TAPT1: variants seen among roughly 807,000 people sequenced by gnomAD.
TAPT1 encodes transmembrane anterior posterior transformation 1.
TAPT1 carries 28 observed loss-of-function variants against 65.6 expected under a neutral mutation model. The observed-to-expected ratio is 0.43, with a 90% CI of 0.32 to 0.59. TAPT1 has a LOEUF of 0.59. Among genes scored for constraint, TAPT1 ranks in the 20% least tolerant of loss-of-function variants. TAPT1 has a pLI of 0.09. For synonymous variants in TAPT1, 278 were observed against 245.2 expected, an observed-to-expected ratio of 1.13 and a Z score of -1.25; for missense variants, 563 against 679.9, an observed-to-expected ratio of 0.83 and a Z score of 1.91.
intron 3 of TAPT1, among the ~76,000 whole-genome samples, chr4:16,200,687 C>T (rs990779201): frequency 3.9e-5 from 6 of 152,124 alleles, no homozygotes; most frequent in South Asian, 4.1e-4. Flanking sequence ...TGTTTCTATT[C>T]GCTTTATCCC....
At chr4:16,200,438 T>C (rs1052189361) in intron 3 of TAPT1, among the ~76,000 whole-genome samples, 5 of 152,120 alleles carry the variant, frequency 3.3e-5, no homozygotes, top group African/African-American at 1.2e-4. Context: ...TTTTCCAACC[T>C]CTCAGCCTCT....
intron 2 of TAPT1, among the ~76,000 whole-genome samples, chr4:16,205,785 T>C (rs1750307349): frequency 1.3e-5 from 2 of 152,134 alleles, no homozygotes; most frequent in African/African-American, 4.8e-5. Context: ...GAGGTTAGGA[T>C]ATAATCATTA....
chr4:16,180,632 CT>C (rs958348183), intron 7 of TAPT1, among the ~76,000 whole-genome samples: 2 of 152,170 alleles, frequency 1.3e-5, no homozygotes, highest in African/African-American at 2.4e-5. Context: ...CTTTGCTTCT[CT>C]TTTTTTACTT....
Position 16,203,701 on chromosome 4 carries a change from C to T in TAPT1, c.331-1121G>A, listed in dbSNP as rs538226734. 3.3e-5 allele frequency among the ~76,000 whole-genome samples: 5 copies of T among 152,252 alleles called. No individual in the cohort carries two copies. The East Asian group carries it at 7.7e-4, about 24-fold the overall frequency. On this transcript the variant is annotated intron_variant, in intron 2 of 13. Coordinates refer to ENST00000405303, the MANE Select transcript of TAPT1 (RefSeq NM_153365.3). ...CAGAAGAAACTACCCCACTGACACT[C>T]GATTGCACACTTCCAGCTTCCAGAA...
intron 1 of TAPT1, among the ~76,000 whole-genome samples, chr4:16,221,102 A>G (rs1355677082): frequency 1.4e-5 from 2 of 145,974 alleles, no homozygotes; most frequent in Non-Finnish European, 3.0e-5. Flanking sequence ...CCTCCAGCAC[A>G]TACGTACATA....
chr4:16,170,576 G>C lies in TAPT1; in HGVS notation c.1313+77C>G, dbSNP rs1354424952. 13 of 1,012,938 alleles carry C rather than the reference G, an allele frequency of 1.3e-5. No individual in the cohort carries two copies. The East Asian group carries it at 3.2e-4, about 25-fold the overall frequency. The allele number at this position is 1,012,938 out of a possible 1,614,324, so 62.7% of individuals were successfully genotyped here. On this transcript the variant is annotated intron_variant, in intron 12 of 13. Transcript: ENST00000405303. ...GCATAGACTGGGAGTAGTATGATTG[G>C]GATGCTACTAACTTCCATTACATCT...
chr4:16,167,164 T>C (rs1414072607), intron 12 of TAPT1, among the ~76,000 whole-genome samples: 1 of 152,028 alleles, frequency 6.6e-6, no homozygotes, highest in Non-Finnish European at 1.5e-5. Context: ...CGGCTATTTT[T>C]GTATTTTTAG....
rs1011360500 is a variant in TAPT1 at position 16,215,841 on chromosome 4, G to T, written c.200-1943C>A. On this transcript the variant is annotated intron_variant, in intron 1 of 13. Transcript: ENST00000405303. Reference sequence around the variant, plus strand: ...TCTACGCTGGCTAGAACCAGAACAAGATCTGCTCTTTCAAGGTGAGAAAAA... The same window carrying T: ...TCTACGCTGGCTAGAACCAGAACAATATCTGCTCTTTCAAGGTGAGAAAAA... Among the ~76,000 whole-genome samples, 4 of 152,156 alleles carry T rather than the reference G, an allele frequency of 2.6e-5. No individual in the cohort carries two copies. In the South Asian group the frequency reaches 8.3e-4, roughly 31 times the overall value.
intron 12 of TAPT1, among the ~76,000 whole-genome samples, chr4:16,168,425 G>A (rs904000524): frequency 1.3e-5 from 2 of 152,098 alleles, no homozygotes; most frequent in Non-Finnish European, 2.9e-5. Flanking sequence ...AGCTCCTTTC[G>A]TAGTCTCCCG....
At chr4:16,225,883 A>G (rs1169861814) in intron 1 of TAPT1, 3 of 985,742 alleles carry the variant, frequency 3.0e-6, no homozygotes, top group Non-Finnish European at 3.6e-6. Flanking sequence ...CCTTGGCATG[A>G]ATATAATTAA....
intron 5 of TAPT1, among the ~76,000 whole-genome samples, chr4:16,187,631 A>C (rs1021338583): frequency 6.6e-6 from 1 of 152,104 alleles, no homozygotes; most frequent in African/African-American, 2.4e-5. Context: ...CATTCTTGTG[A>C]ATGAGTCCTG....
chr4:16,220,365 A>G (rs1751181218), intron 1 of TAPT1, among the ~76,000 whole-genome samples: 1 of 152,244 alleles, frequency 6.6e-6, no homozygotes, highest in South Asian at 2.1e-4. Flanking sequence ...CGTTTTAAAA[A>G]TAAGTATTTT....
intron 2 of TAPT1, among the ~76,000 whole-genome samples, chr4:16,213,261 T>C (rs537080724): frequency 6.6e-6 from 1 of 152,344 alleles, no homozygotes; most frequent in Admixed American, 6.5e-5. Flanking sequence ...GATGTAGTGC[T>C]GCTGTTACTA....
At position 16,213,845 on chromosome 4, in the gene TAPT1, C is replaced by T. The variant is rs749694807; in HGVS notation, c.253G>A (p.Glu85Lys). ...SAELTRGYFL[E>K]HNEAKYTERR... ...TCTGTATACTTGGCCTCATTATGTTCAAGGAAGTACCCTCTTGTTAGTTCA... is the reference window on the plus strand; with the variant it reads ...TCTGTATACTTGGCCTCATTATGTTTAAGGAAGTACCCTCTTGTTAGTTCA... Residue 85 changes from glutamate (E) to lysine (K), a missense_variant, in exon 2 of 14, where the codon GAA becomes AAA. Glu to Lys is a moderately conservative substitution (Grantham distance 56). This residue lies in a region of TAPT1 where 217 missense variants were observed against 317.5 expected (regional missense o/e 0.68). Transcript: ENST00000405303. 5 of 1,610,338 alleles carry T rather than the reference C, an allele frequency of 3.1e-6. No individual in the cohort carries two copies. The highest frequency in any genetic ancestry group is 1.3e-5 in the African/African-American group (1 of 74,346).
intron 7 of TAPT1, among the ~76,000 whole-genome samples, chr4:16,185,720 T>C (rs992557585): frequency 2.0e-5 from 3 of 152,116 alleles, no homozygotes; most frequent in Non-Finnish European, 2.9e-5. Context: ...CCAAAAAGTC[T>C]GACAAGCGCT....
chr4:16,201,414 A>G (rs1750022995), intron 3 of TAPT1, among the ~76,000 whole-genome samples: 1 of 152,204 alleles, frequency 6.6e-6, no homozygotes, highest in Non-Finnish European at 1.5e-5. Flanking sequence ...TAGTTCAATG[A>G]AGTCTCACAA....
intron 8 of TAPT1, among the ~76,000 whole-genome samples, chr4:16,177,809 C>T (rs948878229): frequency 7.4e-6 from 1 of 134,240 alleles, no homozygotes; most frequent in Non-Finnish European, 1.6e-5. Context: ...CCATAAATGG[C>T]ACTTTGTTGG....
intron 1 of TAPT1, chr4:16,225,808 T>C (rs1477442730): frequency 1.1e-6 from 1 of 880,090 alleles, no homozygotes. Context: ...AAAAATCTAC[T>C]TGCAGGGCAA....
chr4:16,193,514 C>G (rs1749511762), intron 3 of TAPT1, among the ~76,000 whole-genome samples: 1 of 152,144 alleles, frequency 6.6e-6, no homozygotes, highest in Non-Finnish European at 1.5e-5. Flanking sequence ...CCCAACCAAC[C>G]AGCCCAGAGC....
Sources: allele counts gnomAD v4.1 joint callset (sites outside exome capture counted in the v4.1 genomes callset), GRCh38; gene constraint gnomAD v4.1.1; regional missense constraint gnomAD v4.1.1; transcripts MANE v1.5; gene names NCBI Gene and HGNC (gene_info 2026-07-23, HGNC 2026-07-21).